EYS: variants seen among roughly 807,000 people sequenced by gnomAD.
The protein encoded by EYS is protein eyes shut homolog.
EYS carries 250 observed loss-of-function variants against 282.1 expected under a neutral mutation model. The observed-to-expected ratio is 0.89, with a 90% CI of 0.80 to 0.98. The LOEUF is 0.98. Among genes scored for constraint, EYS ranks in the 50% least tolerant of loss-of-function variants. The probability of loss-of-function intolerance (pLI) is 0.00; values close to 1 mark genes in which losing one functional copy is unlikely to be tolerated. For missense variants in EYS, 4,016 were observed against 3,709.0 expected (o/e 1.08, Z -2.15); for synonymous variants, 1,355 against 1,282.9 (o/e 1.06, Z -1.20).
At chr6:63,766,806 G>A (rs1220070309) in intron 40 of EYS, among the ~76,000 whole-genome samples, 1 of 151,824 alleles carries the variant, frequency 6.6e-6, no homozygotes, top group Non-Finnish European at 1.5e-5. Context: ...GGAAATGTTG[G>A]GACCATGAAA....
At chr6:64,751,384 T>C (rs1772749244) in intron 22 of EYS, among the ~76,000 whole-genome samples, 1 of 152,148 alleles carries the variant, frequency 6.6e-6, no homozygotes, top group Non-Finnish European at 1.5e-5. Flanking sequence ...TGCAGAGAAC[T>C]TGGAGGAGTG....
chr6:64,628,388 T>C (rs115402241), intron 22 of EYS, among the ~76,000 whole-genome samples: 1,657 of 152,236 alleles, frequency 0.011, 32 homozygotes, highest in African/African-American at 0.037. Flanking sequence ...TAAATTGTTC[T>C]TCAAAAATGC....
At chr6:63,798,963 G>GTATATATA (rs1231377496) in intron 37 of EYS, among the ~76,000 whole-genome samples, 1 of 110,910 alleles carries the variant, frequency 9.0e-6, no homozygotes, top group African/African-American at 3.5e-5. Flanking sequence ...ATGTATATGT[G>GTATATATA]TATATATATA....
intron 12 of EYS, among the ~76,000 whole-genome samples, chr6:65,168,432 G>T (rs1765026087): frequency 6.6e-6 from 1 of 151,094 alleles, no homozygotes; most frequent in Non-Finnish European, 1.5e-5. Context: ...CAAGATCAAG[G>T]CACCAGCAGA....
At chr6:64,397,776 A>G (rs1284119652) in intron 28 of EYS, among the ~76,000 whole-genome samples, 1 of 151,848 alleles carries the variant, frequency 6.6e-6, no homozygotes, top group Non-Finnish European at 1.5e-5. Flanking sequence ...TCTGCTCTTT[A>G]TGATTTCCTT....
At chr6:63,969,925 G>C (rs1054051572) in intron 35 of EYS, among the ~76,000 whole-genome samples, 5 of 152,134 alleles carry the variant, frequency 3.3e-5, no homozygotes, top group Non-Finnish European at 2.9e-5. Context: ...ACACTCATGG[G>C]GTGAGAGCAG....
intron 31 of EYS, among the ~76,000 whole-genome samples, chr6:64,092,628 A>G (rs1772411517): frequency 6.6e-6 from 1 of 151,958 alleles, no homozygotes; most frequent in African/African-American, 2.4e-5. Flanking sequence ...AATTTGTTTG[A>G]GTACATTGTA....
chr6:64,901,159 A>G (rs1767647960), intron 18 of EYS, among the ~76,000 whole-genome samples: 1 of 151,710 alleles, frequency 6.6e-6, no homozygotes, highest in South Asian at 2.1e-4. Context: ...CAACCACTGC[A>G]TGTTCTCTCT....
At chr6:65,125,138 T>G (rs1475446843) in intron 12 of EYS, among the ~76,000 whole-genome samples, 1 of 152,218 alleles carries the variant, frequency 6.6e-6, no homozygotes, top group Non-Finnish European at 1.5e-5. Flanking sequence ...TAATCTAGAC[T>G]TTAAAATAAT....
intron 15 of EYS, among the ~76,000 whole-genome samples, chr6:64,924,343 C>G (rs1768444111): frequency 6.6e-6 from 1 of 152,112 alleles, no homozygotes; most frequent in Middle Eastern, 3.2e-3. Flanking sequence ...GTATGGTGAC[C>G]CTGGGCCCAG....
intron 18 of EYS, among the ~76,000 whole-genome samples, chr6:64,898,210 G>T (rs1431044252): frequency 6.6e-6 from 1 of 152,144 alleles, no homozygotes; most frequent in Non-Finnish European, 1.5e-5. Flanking sequence ...AGAGAGAAAG[G>T]TTGGGTTATC....
intron 25 of EYS, 35 bp downstream of exon 25, chr6:64,593,082 T>A (rs1309220203): frequency 7.1e-7 from 1 of 1,416,876 alleles, no homozygotes; most frequent in Non-Finnish European, 9.3e-7. Context: ...TTTTTCAAAC[T>A]CAAACTTCTT....
Position 64,591,918 on chromosome 6 carries a change from T to C in EYS, c.3949A>G (p.Thr1317Ala), listed in dbSNP as rs1766425037. The change falls in exon 26 of 43, where the codon ACA becomes GCA. Residue 1317 changes from threonine to alanine, a missense_variant. By Grantham distance (58) the Thr-to-Ala change is moderately conservative. Transcript: ENST00000503581. Reference protein sequence around the residue: ...TTGLATLRISTPLESYLLQEL... With the variant: ...TTGLATLRISAPLESYLLQEL... ...TGGAGTAAGTAGCTTTCCAAGGGTG[T>C]GCTAATTCTTAATGTTGCCAAACCA... 3.2e-6 allele frequency: 5 copies of C among 1,545,248 alleles called. No homozygotes were observed. The South Asian group carries it at 4.8e-5, about 15-fold the overall frequency.
intron 35 of EYS, among the ~76,000 whole-genome samples, chr6:63,974,292 A>G (rs1474759199): frequency 6.6e-6 from 1 of 152,058 alleles, no homozygotes; most frequent in African/African-American, 2.4e-5. Context: ...TACAAAATAA[A>G]CAGGCTTTAA....
intron 1 of EYS, among the ~76,000 whole-genome samples, chr6:65,695,498 A>G (rs2149847750): frequency 6.6e-6 from 1 of 152,192 alleles, no homozygotes; most frequent in Middle Eastern, 3.4e-3. Flanking sequence ...ATTTTTCTTC[A>G]TATATCATGT....
intron 30 of EYS, 150 bp downstream of exon 30, chr6:64,306,820 T>TA: frequency 1.7e-6 from 1 of 585,688 alleles, no homozygotes; most frequent in Non-Finnish European, 3.0e-6. Context: ...CAATAAACTG[T>TA]AAAAGAGTGA....
chr6:64,218,469 T>C (rs1017847367), intron 31 of EYS, among the ~76,000 whole-genome samples: 1 of 152,202 alleles, frequency 6.6e-6, no homozygotes, highest in Non-Finnish European at 1.5e-5. Context: ...AATTGCCAGC[T>C]AGCAGACACA....
chr6:64,231,860 T>C (rs1477400026), intron 30 of EYS, among the ~76,000 whole-genome samples: 1 of 152,162 alleles, frequency 6.6e-6, no homozygotes, highest in African/African-American at 2.4e-5. Flanking sequence ...CTTAATATAA[T>C]AATGAGATAA....
chr6:65,661,440 T>G (rs16897015), intron 1 of EYS, among the ~76,000 whole-genome samples: 7,745 of 152,084 alleles, frequency 0.051, 450 homozygotes, highest in East Asian at 0.33. Flanking sequence ...CACAAGGCTA[T>G]GCTACAATGT....
Sources: allele counts gnomAD v4.1 joint callset (sites outside exome capture counted in the v4.1 genomes callset), GRCh38; gene constraint gnomAD v4.1.1; transcripts MANE v1.5; gene names NCBI Gene and HGNC (gene_info 2026-07-23, HGNC 2026-07-21).